Variants in NKAIN2 observed in about 807,000 individuals in gnomAD.
NKAIN2 encodes the protein sodium/potassium transporting ATPase interacting 2.
In NKAIN2, 14 loss-of-function variants were observed where a neutral mutation model predicts 32.6. That is an observed-to-expected ratio of 0.43 (90% CI 0.28 to 0.67). The LOEUF is 0.67. Ranked by LOEUF, NKAIN2 falls within the 30% of genes least tolerant of loss-of-function variation. The probability of loss-of-function intolerance (pLI) is 0.17; values close to 1 mark genes in which losing one functional copy is unlikely to be tolerated. For synonymous variants in NKAIN2, 80 were observed against 87.2 expected, an observed-to-expected ratio of 0.92 and a Z score of 0.46; for missense variants, 198 against 258.3, an observed-to-expected ratio of 0.77 and a Z score of 1.60.
At chr6:124,131,809 A>G (rs1404759981) in intron 1 of NKAIN2, among the ~76,000 whole-genome samples, 1 of 152,074 alleles carries the variant, frequency 6.6e-6, no homozygotes, top group East Asian at 1.9e-4. Context: ...GGAATTAGGG[A>G]GGGCTTGCAG....
intron 4 of NKAIN2, among the ~76,000 whole-genome samples, chr6:124,682,205 T>C (rs1562321804): frequency 2.0e-5 from 3 of 151,816 alleles, no homozygotes; most frequent in African/African-American, 7.3e-5. Flanking sequence ...AGGGGACAAA[T>C]AAATGATCAT....
intron 3 of NKAIN2, among the ~76,000 whole-genome samples, chr6:124,413,253 C>G (rs1329620287): frequency 4.6e-5 from 7 of 152,268 alleles, no homozygotes; most frequent in Admixed American, 3.3e-4. Context: ...AATCACCTGT[C>G]TTCTGCGTCG....
intron 3 of NKAIN2, among the ~76,000 whole-genome samples, chr6:124,646,707 T>C (rs1784181945): frequency 6.6e-6 from 1 of 152,106 alleles, no homozygotes; most frequent in African/African-American, 2.4e-5. Flanking sequence ...TCCCAGCAGT[T>C]TGGGAAGCCG....
At chr6:124,529,015 A>C (rs770541696) in intron 3 of NKAIN2, among the ~76,000 whole-genome samples, 1 of 152,214 alleles carries the variant, frequency 6.6e-6, no homozygotes, top group African/African-American at 2.4e-5. Flanking sequence ...CCCCCTCTAT[A>C]CTAAAACATG....
intron 5 of NKAIN2, among the ~76,000 whole-genome samples, chr6:124,810,640 TAAAC>T (rs959193337): frequency 2.9e-4 from 44 of 151,738 alleles, no homozygotes; most frequent in African/African-American, 4.1e-4. Flanking sequence ...ATAATAAAAA[TAAAC>T]AAATAAATAA....
At chr6:124,567,483 C>T (rs1473152929) in intron 3 of NKAIN2, among the ~76,000 whole-genome samples, 1 of 152,234 alleles carries the variant, frequency 6.6e-6, no homozygotes, top group African/African-American at 2.4e-5. Context: ...GTCTCCTCAA[C>T]CAAAATGTGA....
chr6:124,732,956 C>T (rs1000787407), intron 4 of NKAIN2, among the ~76,000 whole-genome samples: 12 of 151,578 alleles, frequency 7.9e-5, no homozygotes, highest in African/African-American at 2.2e-4. Context: ...ATAAATAAAC[C>T]GTGATACATC....
At chr6:124,525,511 A>C (rs925689333) in intron 3 of NKAIN2, among the ~76,000 whole-genome samples, 1 of 152,122 alleles carries the variant, frequency 6.6e-6, no homozygotes. Flanking sequence ...AGTCATAATA[A>C]CTTAGTAAGG....
At chr6:124,026,294 C>A (rs1200139018) in intron 1 of NKAIN2, among the ~76,000 whole-genome samples, 1 of 152,184 alleles carries the variant, frequency 6.6e-6, no homozygotes, top group Non-Finnish European at 1.5e-5. Context: ...GAGTAAGGAA[C>A]ATATATTTTT....
chr6:124,650,810 T>A (rs528818701), intron 3 of NKAIN2, among the ~76,000 whole-genome samples: 1 of 152,284 alleles, frequency 6.6e-6, no homozygotes, highest in South Asian at 2.1e-4. Flanking sequence ...TCACCTCACA[T>A]GCAAAATATA....
intron 1 of NKAIN2, among the ~76,000 whole-genome samples, chr6:123,815,269 T>C (rs1406263515): frequency 6.6e-6 from 1 of 152,188 alleles, no homozygotes; most frequent in Non-Finnish European, 1.5e-5. Context: ...CTTTCATTCA[T>C]TGTGTACTAT....
At chr6:124,382,845 G>A (rs1772707101) in intron 3 of NKAIN2, among the ~76,000 whole-genome samples, 1 of 152,162 alleles carries the variant, frequency 6.6e-6, no homozygotes. Flanking sequence ...CTTAACTATT[G>A]TGAGAGAAAG....
At chr6:124,726,256 GGC>G (rs1776299016) in intron 4 of NKAIN2, among the ~76,000 whole-genome samples, 2 of 100,252 alleles carry the variant, frequency 2.0e-5, no homozygotes, top group African/African-American at 7.6e-5. Flanking sequence ...CTGGGGGCAG[GGC>G]ACAGACAAAC....
At chr6:124,727,406 C>A (rs1452776508) in intron 4 of NKAIN2, among the ~76,000 whole-genome samples, 1 of 151,658 alleles carries the variant, frequency 6.6e-6, no homozygotes, top group African/African-American at 2.4e-5. Flanking sequence ...CAATATTCAA[C>A]ATTCTTAAAG....
At chr6:123,836,423 T>G (rs2114924975) in intron 1 of NKAIN2, among the ~76,000 whole-genome samples, 1 of 152,228 alleles carries the variant, frequency 6.6e-6, no homozygotes, top group Admixed American at 6.5e-5. Context: ...TGCACTGCAC[T>G]TCTGTGGCAT....
intron 4 of NKAIN2, among the ~76,000 whole-genome samples, chr6:124,767,369 T>C (rs1346114507): frequency 6.6e-6 from 1 of 152,138 alleles, no homozygotes; most frequent in Non-Finnish European, 1.5e-5. Context: ...AACCATAAAT[T>C]TGTAGAGGTT....
chr6:124,186,008 C>G (rs1040284807), intron 1 of NKAIN2, among the ~76,000 whole-genome samples: 1 of 151,596 alleles, frequency 6.6e-6, no homozygotes, highest in African/African-American at 2.4e-5. Flanking sequence ...AAAAAGAAAA[C>G]TGGGGGCTCC....
chr6:124,362,863 C>A (rs1799350026), intron 3 of NKAIN2, among the ~76,000 whole-genome samples: 3 of 151,886 alleles, frequency 2.0e-5, no homozygotes. Flanking sequence ...GAGATAGAGT[C>A]CCACTCTGTC....
At position 123,997,597 on chromosome 6, in the gene NKAIN2, C is replaced by CTTT. The variant is rs545393601; in HGVS notation, c.54+193365_54+193367dup. 1.1e-3 allele frequency among the ~76,000 whole-genome samples: 111 copies of CTTT among 98,238 alleles called. 1 individual carries two copies. The highest frequency in any genetic ancestry group is 7.7e-3 in the Middle Eastern group (1 of 130). 64.4% of individuals were successfully genotyped at this position (98,238 alleles called of 152,430 possible). On this transcript the variant is annotated intron_variant, in intron 1 of 6. Coordinates refer to ENST00000368417, the MANE Select transcript of NKAIN2 (RefSeq NM_001040214.3). Reference sequence around the variant, plus strand: ...GAATTATCACTAACTGGAGTTTATTCTTTTTTTTTTTTTTTTTTTTTTTTG... The same window carrying CTTT: ...GAATTATCACTAACTGGAGTTTATTCTTTTTTTTTTTTTTTTTTTTTTTTTTTG...
Sources: gnomAD v4.1 joint callset for allele counts (sites outside exome capture counted in the v4.1 genomes callset) on GRCh38, gnomAD v4.1.1 for gene constraint, MANE v1.5 for transcripts, NCBI Gene and HGNC (gene_info 2026-07-23, HGNC 2026-07-21) for gene names.